The following OGFRL1 variants were observed in gnomAD, a reference collection of about 807,000 sequenced individuals.
The protein encoded by OGFRL1 is opioid growth factor receptor like 1, also known as opioid growth factor receptor-like protein 1.
A neutral mutation model predicts 32.4 loss-of-function variants in OGFRL1; 26 were observed. The observed-to-expected ratio is 0.80, with a 90% CI of 0.59 to 1.11. The LOEUF (loss-of-function observed/expected upper bound fraction) is 1.11, where lower values mean the gene tolerates loss of function less well. Among genes scored for constraint, OGFRL1 ranks in the 50% most tolerant of loss-of-function variants. The probability of loss-of-function intolerance (pLI) is 0.00; values close to 1 mark genes in which losing one functional copy is unlikely to be tolerated. For synonymous variants in OGFRL1, 211 were observed against 201.2 expected (o/e 1.05, Z -0.41); for missense variants, 521 against 546.4 (o/e 0.95, Z 0.46).
intron 3 of OGFRL1, 142 bp from the exon 4 acceptor site, chr6:71,296,175 A>C: frequency 1.7e-6 from 1 of 598,600 alleles, no homozygotes. Context: ...GGCATAGGGT[A>C]TTCATCTTTT....
intron 1 of OGFRL1, chr6:71,289,674 A>G (rs1765985138): frequency 1.0e-6 from 1 of 984,794 alleles, no homozygotes; most frequent in Non-Finnish European, 1.2e-6. Context: ...CCTCATCTGA[A>G]GTTCATACGT....
rs550180995 is a variant in OGFRL1, at chr6:71,289,338, G to C, written c.234+168G>C. The C allele has an allele frequency of 3.4e-5, 33 of 969,364 alleles. No homozygotes were observed. In the African/African-American group the frequency reaches 5.6e-4, roughly 16 times the overall value. The allele number at this position is 969,364 out of a possible 1,614,324, so 60.0% of individuals were successfully genotyped here. On this transcript the variant is annotated intron_variant, in intron 1 of 6. Transcript: ENST00000370435. The stretch of plus-strand genomic sequence containing the variant: ...CTGACCTGTCTCCCGGTGGAGCCCG[G>C]GGGCCTGCAGGAGCCCAAAGCGCCG...
Position 71,306,774 on chromosome 6 carries a change from A to T in OGFRL1, c.*4725A>T, listed in dbSNP as rs1053779533. 1 of 152,246 alleles carries T rather than the reference A, an allele frequency of 6.6e-6. No homozygotes were observed. The highest frequency in any genetic ancestry group is 2.4e-5 in the African/African-American group (1 of 41,470). The allele number at this position is 152,246 out of a possible 1,614,324, so 9.4% of individuals were successfully genotyped here. On this transcript the variant is annotated 3_prime_UTR_variant, in exon 7 of 7. Transcript: ENST00000370435. ...TTTATGCTTTTTGTAGTTTAGCTAC[A>T]TACTATAATTTTCATTTTAAACGTT...
Position 71,289,101 on chromosome 6 carries a change from G to A in OGFRL1, c.165G>A (p.Glu55=). 6 of 1,116,630 alleles carry A rather than the reference G, an allele frequency of 5.4e-6. No individual in the cohort carries two copies. Among genetic ancestry groups the A allele is most frequent in the Non-Finnish European group, 6.6e-6 (6 of 915,584 alleles). The allele number at this position is 1,116,630 out of a possible 1,614,324, so 69.2% of individuals were successfully genotyped here. The change falls in exon 1 of 7, where the codon GAG becomes GAA. Residue 55 remains glutamate (E), a synonymous_variant. Transcript: ENST00000370435. The part of the protein sequence containing the change: ...QESEQPAQPP[E]QAGGRPGASP... ...CCGAGCAGCCCGCGCAGCCCCCGGA[G>A]CAAGCCGGCGGGCGGCCCGGCGCCA...
In OGFRL1 at chr6:71,302,030, ATGT is replaced by A; in HGVS notation, c.1341_1343del (p.Val448del). 6.3e-7 allele frequency: 1 copy of A among 1,580,188 alleles called. No homozygotes were observed. Among genetic ancestry groups the A allele is most frequent in the Non-Finnish European group, 8.6e-7 (1 of 1,168,478 alleles). ...AATCCTGGAAATACAAATTGCCATG[ATGT>A]TGTACTAGTACAGTGAATTATCAGA... On this transcript the variant is annotated inframe_deletion, in exon 7 of 7. Coordinates refer to ENST00000370435, the MANE Select transcript of OGFRL1 (RefSeq NM_024576.5).
intron 1 of OGFRL1, 74 bp from the exon 2 acceptor site, chr6:71,293,219 A>T: frequency 8.1e-7 from 1 of 1,236,728 alleles, no homozygotes; most frequent in Non-Finnish European, 1.2e-6. Flanking sequence ...GATCTTCCTT[A>T]AGTTTGTTCT....
At chr6:71,295,593 A>G (rs907918119) in intron 3 of OGFRL1, 1 of 152,192 alleles carries the variant, frequency 6.6e-6, no homozygotes, top group African/African-American at 2.4e-5. Context: ...GTAACTTTGA[A>G]CAAATCTCCC....
In OGFRL1 at chr6:71,302,164, T is replaced by G; in HGVS notation, c.*115T>G. The G allele has an allele frequency of 1.1e-6, 1 of 879,254 alleles. No homozygotes were observed. Among genetic ancestry groups the G allele is most frequent in the Non-Finnish European group, 1.6e-6 (1 of 613,058 alleles). 54.5% of individuals were successfully genotyped at this position (879,254 alleles called of 1,614,324 possible). ...AAATTTTAGCCATCTGTTTGTGATT[T>G]CTGTCATAAGCATTTTGTTGTTTGT... is the stretch of plus-strand genomic sequence containing the variant. On this transcript the variant is annotated 3_prime_UTR_variant, in exon 7 of 7. Transcript: ENST00000370435.
chr6:71,301,794 A>C lies in OGFRL1; in HGVS notation c.1101A>C (p.Lys367Asn). ...ATAGCAAAACAGCTGAAGACAAAAA[A>C]GTGGCACCAAAAGAGCCTGTGGAAG... ...HLNSKTAEDK[K>N]VAPKEPVEET... Residue 367 changes from lysine to asparagine, a missense_variant, in exon 7 of 7, where the codon AAA becomes AAC. Coordinates refer to ENST00000370435, the MANE Select transcript of OGFRL1 (RefSeq NM_024576.5). 6.2e-7 allele frequency: 1 copy of C among 1,613,790 alleles called. No individual in the cohort carries two copies. The highest frequency in any genetic ancestry group is 8.5e-7 in the Non-Finnish European group (1 of 1,179,962).
intron 6 of OGFRL1, among the ~76,000 whole-genome samples, chr6:71,297,943 T>TCCCTCCC (rs1281826718): frequency 7.6e-6 from 1 of 131,426 alleles, no homozygotes; most frequent in Non-Finnish European, 1.6e-5. Flanking sequence ...CCTAATGCTA[T>TCCCTCCC]CCCTCCCCCC....
Position 71,302,224 on chromosome 6 carries a change from A to G in OGFRL1, c.*175A>G, listed in dbSNP as rs1766421757. On this transcript the variant is annotated 3_prime_UTR_variant, in exon 7 of 7. Transcript: ENST00000370435. ...TTGGATGACAATGAATTGAATATCT[A>G]ATAAGGAGATTTAAGATAAGACCCA... is the stretch of plus-strand genomic sequence containing the variant. 2.1e-6 allele frequency: 1 copy of G among 485,144 alleles called. No homozygotes were observed. Among genetic ancestry groups the G allele is most frequent in the African/African-American group, 2.0e-5 (1 of 50,032 alleles). 30.1% of individuals were successfully genotyped at this position (485,144 alleles called of 1,614,324 possible). A position where few individuals can be genotyped will look rare whatever the true frequency, so the allele number is the denominator to read the frequency against.
At position 71,305,491 on chromosome 6, in the gene OGFRL1, T is replaced by C. The variant is rs1235534355; in HGVS notation, c.*3442T>C. 1.3e-5 allele frequency: 2 copies of C among 152,092 alleles called. No homozygotes were observed. Among genetic ancestry groups the C allele is most frequent in the African/African-American group, 4.8e-5 (2 of 41,444 alleles). The allele number at this position is 152,092 out of a possible 1,614,324, so 9.4% of individuals were successfully genotyped here. On this transcript the variant is annotated 3_prime_UTR_variant, in exon 7 of 7. Coordinates refer to ENST00000370435, the MANE Select transcript of OGFRL1 (RefSeq NM_024576.5). ...TCAAGCCTAGTTGTCAACTCAAAAA[T>C]TATGTTGCATAGTTTTATTTTGAAT...
Position 71,301,995 on chromosome 6 carries a change from A to G in OGFRL1, c.1302A>G (p.Gln434=), listed in dbSNP as rs1561952167. The G allele has an allele frequency of 1.9e-6, 3 of 1,599,428 alleles. No individual in the cohort carries two copies. The Admixed American group carries it at 5.3e-5, about 29-fold the overall frequency. The change falls in exon 7 of 7, where the codon CAA becomes CAG. Residue 434 remains glutamine, a synonymous_variant. Coordinates refer to ENST00000370435, the MANE Select transcript of OGFRL1 (RefSeq NM_024576.5). ...ACGAAGAAGGTGGAAATGATAACCA[A>G]GACAATGAAAATCCTGGAAATACAA... ...ENNEEGGNDN[Q]DNENPGNTNC... is the part of the protein sequence containing the mutation.
chr6:71,301,695 C>G lies in OGFRL1; in HGVS notation c.1002C>G (p.Ser334=). 1 of 1,613,970 alleles carries G rather than the reference C, an allele frequency of 6.2e-7. No homozygotes were observed. The highest frequency in any genetic ancestry group is 8.5e-7 in the Non-Finnish European group (1 of 1,180,024). The change falls in exon 7 of 7, where the codon TCC becomes TCG. Residue 334 remains serine, a synonymous_variant. Coordinates refer to ENST00000370435, the MANE Select transcript of OGFRL1 (RefSeq NM_024576.5). ...KAQKMSSPLA[S]SHNSQTSMHK... Reference sequence around the variant, plus strand: ...AGAAAATGTCTTCCCCTCTCGCCTCCAGTCATAACAGTCAAACTTCTATGC... The same window carrying G: ...AGAAAATGTCTTCCCCTCTCGCCTCGAGTCATAACAGTCAAACTTCTATGC...
Position 71,296,352 on chromosome 6 carries a change from G to A in OGFRL1, c.436G>A (p.Gly146Arg), listed in dbSNP as rs1230420861. The change falls in exon 4 of 7, where the codon GGA becomes AGA. Residue 146 changes from glycine (G) to arginine (R), a missense_variant. Gly to Arg is a moderately radical substitution (Grantham distance 125). Transcript: ENST00000370435. ...YIEEVLSKWK[G>R]DYEKLEHNHT... is the part of the protein sequence containing the mutation. ...TGAAGAAGTTCTAAGTAAATGGAAAGGAGATTATGAAAAACTGGAGCACAA... is the reference window on the plus strand; with the variant it reads ...TGAAGAAGTTCTAAGTAAATGGAAAAGAGATTATGAAAAACTGGAGCACAA... 6.2e-7 allele frequency: 1 copy of A among 1,610,924 alleles called. No homozygotes were observed. Among genetic ancestry groups the A allele is most frequent in the Admixed American group, 1.7e-5 (1 of 59,944 alleles).
chr6:71,293,196 G>A (rs1363543762), intron 1 of OGFRL1, 97 bp from the exon 2 acceptor site: 2 of 923,884 alleles, frequency 2.2e-6, no homozygotes, highest in Non-Finnish European at 3.4e-6. Flanking sequence ...ACAATTTTCA[G>A]GCTTTCTTTA....
intron 1 of OGFRL1, 109 bp from the exon 2 acceptor site, chr6:71,293,184 T>A (rs1005693947): frequency 2.1e-5 from 17 of 799,922 alleles, no homozygotes; most frequent in Non-Finnish European, 3.4e-5. Context: ...CTGGACAGAT[T>A]GACAATTTTC....
rs745346384 is a variant in OGFRL1 at position 71,293,273 on chromosome 6, A to C, written c.235-20A>C. ...TTATCTTGCGTCAACATGTAAACGG[A>C]GTTTCACCTTTTATTTCAGGGTGGT... On this transcript the variant is annotated intron_variant, in intron 1 of 6. Transcript: ENST00000370435. The C allele has an allele frequency of 6.3e-7, 1 of 1,596,844 alleles. No homozygotes were observed. Among genetic ancestry groups the C allele is most frequent in the South Asian group, 1.1e-5 (1 of 90,162 alleles).
rs930579065 is a variant in OGFRL1 at position 71,294,319 on chromosome 6, T to C, written c.400+708T>C. Among the ~76,000 whole-genome samples, 104 of 152,240 alleles carry C rather than the reference T, an allele frequency of 6.8e-4. 2 individuals carry two copies. The highest frequency in any genetic ancestry group is 4.5e-3 in the Admixed American group (69 of 15,298). On this transcript the variant is annotated intron_variant, in intron 3 of 6. Coordinates refer to ENST00000370435, the MANE Select transcript of OGFRL1 (RefSeq NM_024576.5). ...GGTGGTCATCCTAATTTTATCCAGG[T>C]CACCCTAGGAAAGCTGGCTTCTCTC...
Sources: gnomAD v4.1 joint callset for allele counts (sites outside exome capture counted in the v4.1 genomes callset) on GRCh38, gnomAD v4.1.1 for gene constraint, MANE v1.5 for transcripts, NCBI Gene and HGNC (gene_info 2026-07-23, HGNC 2026-07-21) for gene names.